SKAP1: variants seen among roughly 807,000 people sequenced by gnomAD.
The protein encoded by SKAP1 is src kinase-associated phosphoprotein 1.
SKAP1 carries 44 observed loss-of-function variants against 58.5 expected under a neutral mutation model. The observed-to-expected ratio is 0.75, with a 90% CI of 0.59 to 0.97. The LOEUF is 0.97. Among genes scored for constraint, SKAP1 ranks in the 50% least tolerant of loss-of-function variants. SKAP1 has a pLI of 0.00. For missense variants in SKAP1, 390 were observed against 435.2 expected, an observed-to-expected ratio of 0.90 and a Z score of 0.92; for synonymous variants, 127 against 149.7, an observed-to-expected ratio of 0.85 and a Z score of 1.11.
At chr17:48,165,548 G>A (rs1258776932) in intron 10 of SKAP1, among the ~76,000 whole-genome samples, 5 of 151,848 alleles carry the variant, frequency 3.3e-5, no homozygotes, top group Non-Finnish European at 7.4e-5. Flanking sequence ...TTACAGGCAC[G>A]TGCCACCACG....
chr17:48,363,830 G>GAA lies in SKAP1; in HGVS notation c.153-18_153-17dup. ...CCAATAGTACCTGAAATACAAGGGG[G>GAA]AAAAAAAAAGGGAATAAGTCAAACT... On this transcript the variant is annotated splice_polypyrimidine_tract_variant and intron_variant, in intron 2 of 12. Coordinates refer to ENST00000336915, the MANE Select transcript of SKAP1 (RefSeq NM_003726.4). 1.3e-6 allele frequency: 2 copies of GAA among 1,559,362 alleles called. No homozygotes were observed. The highest frequency in any genetic ancestry group is 1.7e-6 in the Non-Finnish European group (2 of 1,147,050).
intron 4 of SKAP1, among the ~76,000 whole-genome samples, chr17:48,263,687 A>G (rs1378383255): frequency 2.0e-5 from 3 of 152,008 alleles, no homozygotes; most frequent in Admixed American, 2.0e-4. Context: ...CTTGTCTCCA[A>G]AAAAAAGGTC....
intron 11 of SKAP1, among the ~76,000 whole-genome samples, chr17:48,141,127 C>G (rs529821413): frequency 1.3e-5 from 2 of 152,054 alleles, no homozygotes; most frequent in Admixed American, 1.3e-4. Context: ...CCTGTCGATT[C>G]TCCCTCTAAA....
chr17:48,270,102 A>T (rs1305254016), intron 4 of SKAP1, among the ~76,000 whole-genome samples: 1 of 152,136 alleles, frequency 6.6e-6, no homozygotes, highest in African/African-American at 2.4e-5. Flanking sequence ...CAAGAGCGAA[A>T]CTCTGTCTCA....
chr17:48,235,602 A>T (rs960768603), intron 4 of SKAP1, among the ~76,000 whole-genome samples: 1 of 152,216 alleles, frequency 6.6e-6, no homozygotes, highest in Non-Finnish European at 1.5e-5. Context: ...ATGCTGCTGG[A>T]AATTGTGTTA....
At chr17:48,209,681 T>C (rs1432760837) in intron 4 of SKAP1, among the ~76,000 whole-genome samples, 19 of 152,214 alleles carry the variant, frequency 1.2e-4, no homozygotes, top group Admixed American at 1.2e-3. Context: ...ACTGCTTCTC[T>C]AGAGGTAAGA....
At chr17:48,174,910 C>T (rs2064268965) in intron 9 of SKAP1, among the ~76,000 whole-genome samples, 1 of 152,170 alleles carries the variant, frequency 6.6e-6, no homozygotes, top group South Asian at 2.1e-4. Context: ...CTACTTGATC[C>T]CCAAATATCT....
intron 2 of SKAP1, among the ~76,000 whole-genome samples, chr17:48,395,221 T>C (rs2067401439): frequency 6.6e-6 from 1 of 152,190 alleles, no homozygotes; most frequent in Non-Finnish European, 1.5e-5. Context: ...CTGACAGTAA[T>C]GAGTTACCGT....
chr17:48,148,489 C>T (rs2063859314), intron 11 of SKAP1, among the ~76,000 whole-genome samples: 1 of 152,164 alleles, frequency 6.6e-6, no homozygotes, highest in Non-Finnish European at 1.5e-5. Flanking sequence ...CCATAAACTG[C>T]GCAGCTCTGC....
chr17:48,170,683 T>C (rs770362606), intron 9 of SKAP1, 24 bp from the exon 10 acceptor site: 3 of 1,594,222 alleles, frequency 1.9e-6, no homozygotes, highest in Non-Finnish European at 2.6e-6. Flanking sequence ...TGATCAGTAT[T>C]AGCAATTAGT....
At chr17:48,203,359 A>G (rs1465140489) in intron 4 of SKAP1, among the ~76,000 whole-genome samples, 1 of 152,196 alleles carries the variant, frequency 6.6e-6, no homozygotes, top group Non-Finnish European at 1.5e-5. Flanking sequence ...ATTCTGCTTC[A>G]CGGCACTTGG....
chr17:48,398,937 C>T (rs1426901229), intron 1 of SKAP1, among the ~76,000 whole-genome samples: 1 of 152,166 alleles, frequency 6.6e-6, no homozygotes, highest in Non-Finnish European at 1.5e-5. Context: ...AGGAGAATCA[C>T]TTGAACCAGG....
At chr17:48,410,798 G>C (rs983409625) in intron 1 of SKAP1, among the ~76,000 whole-genome samples, 14 of 151,596 alleles carry the variant, frequency 9.2e-5, no homozygotes, top group African/African-American at 3.4e-4. Flanking sequence ...GTGGTGGCAG[G>C]CACCTGTAAT....
At chr17:48,373,776 A>G (rs2067117891) in intron 2 of SKAP1, among the ~76,000 whole-genome samples, 1 of 152,214 alleles carries the variant, frequency 6.6e-6, no homozygotes, top group Non-Finnish European at 1.5e-5. Context: ...CCCACCAAAA[A>G]TGATATGACC....
intron 2 of SKAP1, among the ~76,000 whole-genome samples, chr17:48,384,881 T>G (rs914555065): frequency 6.6e-6 from 1 of 152,108 alleles, no homozygotes; most frequent in Non-Finnish European, 1.5e-5. Flanking sequence ...GAGTCTCCCA[T>G]GCACAGGGGA....
the SKAP1 span, among the ~76,000 whole-genome samples, chr17:48,438,212 A>G: frequency 1.3e-5 from 2 of 152,272 alleles, no homozygotes; most frequent in South Asian, 4.1e-4. Context: ...TCCGCTGTAA[A>G]ATGGCAATAG....
intron 4 of SKAP1, among the ~76,000 whole-genome samples, chr17:48,191,542 A>T (rs182144347): frequency 1.3e-5 from 2 of 152,370 alleles, no homozygotes; most frequent in East Asian, 3.9e-4. Context: ...CATTTATTCA[A>T]TGGTGGCTAT....
chr17:48,241,929 G>C (rs1029372253), intron 4 of SKAP1, among the ~76,000 whole-genome samples: 3 of 152,172 alleles, frequency 2.0e-5, no homozygotes, highest in African/African-American at 7.2e-5. Context: ...AGATATCAAG[G>C]CTCCTGACAC....
chr17:48,365,646 C>T (rs2066991718), intron 2 of SKAP1, among the ~76,000 whole-genome samples: 1 of 152,204 alleles, frequency 6.6e-6, no homozygotes, highest in Admixed American at 6.5e-5. Flanking sequence ...ACTCACTCAA[C>T]ATCCTCCAGT....
Sources: gnomAD v4.1 joint callset for allele counts (sites outside exome capture counted in the v4.1 genomes callset) on GRCh38, gnomAD v4.1.1 for gene constraint, MANE v1.5 for transcripts, NCBI Gene and HGNC (gene_info 2026-07-23, HGNC 2026-07-21) for gene names.